Variants in NET1 observed in about 807,000 individuals in gnomAD.
The protein encoded by NET1 is neuroepithelial cell-transforming gene 1 protein.
In NET1, 42 loss-of-function variants were observed where a neutral mutation model predicts 61.1. That is an observed-to-expected ratio of 0.69 (90% CI 0.54 to 0.89). NET1 has a LOEUF of 0.89. NET1 is among the 40% of genes least tolerant of loss of function. NET1 has a pLI of 0.00. For synonymous variants in NET1, 254 were observed against 281.8 expected, an observed-to-expected ratio of 0.90 and a Z score of 0.99; for missense variants, 654 against 747.3, an observed-to-expected ratio of 0.88 and a Z score of 1.46.
At position 5,457,698 on chromosome 10, in the gene NET1, A is replaced by C. The variant is rs1176418758; in HGVS notation, c.*704A>C. 6.6e-6 allele frequency: 1 copy of C among 152,350 alleles called. No individual in the cohort carries two copies. The highest frequency in any genetic ancestry group is 6.6e-5 in the Admixed American group (1 of 15,254). The allele number at this position is 152,350 out of a possible 1,614,324, so 9.4% of individuals were successfully genotyped here. A position where few individuals can be genotyped will look rare whatever the true frequency, so the allele number is the denominator to read the frequency against. The stretch of plus-strand genomic sequence containing the variant: ...CTTTAAAGTATTTTTCTTCCTGATT[A>C]AAAATGTGTGTGTATGTGTGTGTGT... On this transcript the variant is annotated 3_prime_UTR_variant, in exon 12 of 12. Coordinates refer to ENST00000355029, the MANE Select transcript of NET1 (RefSeq NM_001047160.3). The surrounding 1 kb of genome is among the most constrained non-coding windows in gnomAD (Gnocchi z 5.4).
rs1349028078 is a variant in NET1 at position 5,447,432 on chromosome 10, T to TA, written c.256-4397dup. Among the ~76,000 whole-genome samples the TA allele has an allele frequency of 2.0e-5, 3 of 152,256 alleles. No homozygotes were observed. Among genetic ancestry groups the TA allele is most frequent in the Non-Finnish European group, 4.4e-5 (3 of 68,048 alleles). Reference sequence around the variant, plus strand: ...TTTAGTCTTTATGAACATTTATCAATATAAATCAAATTACTTTATGCCATT... The same window carrying TA: ...TTTAGTCTTTATGAACATTTATCAATAATAAATCAAATTACTTTATGCCATT... On this transcript the variant is annotated intron_variant, in intron 3 of 11. Transcript: ENST00000355029. This position sits in a 1 kb window ranked among gnomAD's most constrained non-coding sequence, Gnocchi z 4.1.
rs1416235296 is a variant in NET1 at position 5,423,335 on chromosome 10, A to G, written c.129-3320A>G. 6.6e-6 allele frequency among the ~76,000 whole-genome samples: 1 copy of G among 152,218 alleles called. No individual in the cohort carries two copies. Among genetic ancestry groups the G allele is most frequent in the African/African-American group, 2.4e-5 (1 of 41,472 alleles). Reference sequence around the variant, plus strand: ...GACACAAATCAGAAACTCTGAAAACATAATTTGGCTTAAGAATGAATTAAC... The same window carrying G: ...GACACAAATCAGAAACTCTGAAAACGTAATTTGGCTTAAGAATGAATTAAC... On this transcript the variant is annotated intron_variant, in intron 1 of 11. Transcript: ENST00000355029. The surrounding 1 kb of genome is among the most constrained non-coding windows in gnomAD (Gnocchi z 4.4).
In NET1 at chr10:5,426,810, T is replaced by G; in HGVS notation, c.195+89T>G. ...AGTCTGTTACACAGATCAGTGGTCC[T>G]TACTTCTGAGGGTCTTGAGGAACAG... On this transcript the variant is annotated intron_variant, in intron 2 of 11. Coordinates refer to ENST00000355029, the MANE Select transcript of NET1 (RefSeq NM_001047160.3). The surrounding 1 kb of genome is among the most constrained non-coding windows in gnomAD (Gnocchi z 4.6). 1.2e-6 allele frequency: 1 copy of G among 857,574 alleles called. No individual in the cohort carries two copies. The highest frequency in any genetic ancestry group is 2.5e-5 in the South Asian group (1 of 39,570). 53.1% of individuals were successfully genotyped at this position (857,574 alleles called of 1,614,324 possible). A position where few individuals can be genotyped will look rare whatever the true frequency, so the allele number is the denominator to read the frequency against.
chr10:5,427,148 CA>C lies in NET1; in HGVS notation c.195+428del, dbSNP rs1450612339. The stretch of plus-strand genomic sequence containing the variant: ...GATTTTCTGCTATTAATCATCTCAG[CA>C]TAGAGGGACTCTATTATTTTTATAG... On this transcript the variant is annotated intron_variant, in intron 2 of 11. Transcript: ENST00000355029. The surrounding 1 kb of genome is among the most constrained non-coding windows in gnomAD (Gnocchi z 4.1). Among the ~76,000 whole-genome samples, 14 of 151,876 alleles carry C rather than the reference CA, an allele frequency of 9.2e-5. No individual in the cohort carries two copies. The highest frequency in any genetic ancestry group is 2.9e-4 in the African/African-American group (12 of 41,396).
At position 5,437,981 on chromosome 10, in the gene NET1, AAAC is replaced by A. The variant is rs1400939638; in HGVS notation, c.255+8757_255+8759del. 6.6e-6 allele frequency among the ~76,000 whole-genome samples: 1 copy of A among 152,058 alleles called. No homozygotes were observed. The highest frequency in any genetic ancestry group is 1.5e-5 in the Non-Finnish European group (1 of 68,030). On this transcript the variant is annotated intron_variant, in intron 3 of 11. Transcript: ENST00000355029. This position sits in a 1 kb window ranked among gnomAD's most constrained non-coding sequence, Gnocchi z 4.3. ...AAAAATTTATAAGTATGTGGAAATT[AAAC>A]AACACATTATTAAACAATCAATGAG...
At position 5,446,696 on chromosome 10, in the gene NET1, T is replaced by A; in HGVS notation, c.256-5134T>A. 1 of 1,434,536 alleles carries A rather than the reference T, an allele frequency of 7.0e-7. No individual in the cohort carries two copies. The highest frequency in any genetic ancestry group is 9.3e-7 in the Non-Finnish European group (1 of 1,080,194). The allele number at this position is 1,434,536 out of a possible 1,614,324, so 88.9% of individuals were successfully genotyped here. A position where few individuals can be genotyped will look rare whatever the true frequency, so the allele number is the denominator to read the frequency against. On this transcript the variant is annotated intron_variant, in intron 3 of 11. Coordinates refer to ENST00000355029, the MANE Select transcript of NET1 (RefSeq NM_001047160.3). This position sits in a 1 kb window ranked among gnomAD's most constrained non-coding sequence, Gnocchi z 5.0. ...CTGGGAAGAAAAGCCCGTGTGCCTC[T>A]GCATAGCGTCGCTACAGCGCTGACT...
intron 3 of NET1, among the ~76,000 whole-genome samples, chr10:5,430,461 G>A (rs1010098158): frequency 2.7e-5 from 4 of 148,292 alleles, no homozygotes; most frequent in Middle Eastern, 6.9e-3. Flanking sequence ...TGCAACCTCC[G>A]CCTCCTGGGT....
Position 5,431,123 on chromosome 10 carries a change from G to A in NET1, c.255+1894G>A, listed in dbSNP as rs538748618. ...CCTGACCTCGTGATCCGCCTGCCTC[G>A]GCCTCCCAAAGTGCTGGGATTACAG... On this transcript the variant is annotated intron_variant, in intron 3 of 11. Transcript: ENST00000355029. This position sits in a 1 kb window ranked among gnomAD's most constrained non-coding sequence, Gnocchi z 4.9. Among the ~76,000 whole-genome samples, 1,245 of 151,824 alleles carry A rather than the reference G, an allele frequency of 8.2e-3. 11 individuals are homozygous for A. Among genetic ancestry groups the A allele is most frequent in the Non-Finnish European group, 0.014 (955 of 67,914 alleles).
chr10:5,427,255 C>T lies in NET1; in HGVS notation c.195+534C>T, dbSNP rs1832272230. 6.6e-6 allele frequency among the ~76,000 whole-genome samples: 1 copy of T among 152,022 alleles called. No individual in the cohort carries two copies. Among genetic ancestry groups the T allele is most frequent in the South Asian group, 2.1e-4 (1 of 4,818 alleles). On this transcript the variant is annotated intron_variant, in intron 2 of 11. Coordinates refer to ENST00000355029, the MANE Select transcript of NET1 (RefSeq NM_001047160.3). The surrounding 1 kb of genome is among the most constrained non-coding windows in gnomAD (Gnocchi z 4.1). ...TTTTTGTACTTAAAACTTATTAGCT[C>T]ATAATACATATATAAAGTACGTACA...
chr10:5,434,875 A>G (rs369468671), intron 3 of NET1, among the ~76,000 whole-genome samples: 4 of 152,094 alleles, frequency 2.6e-5, no homozygotes, highest in Non-Finnish European at 4.4e-5. Context: ...TGAGATTACC[A>G]AATTATATAT....
At chr10:5,414,769 C>G (rs1832051087) in intron 1 of NET1, among the ~76,000 whole-genome samples, 1 of 152,068 alleles carries the variant, frequency 6.6e-6, no homozygotes, top group Non-Finnish European at 1.5e-5. Flanking sequence ...AACAAGGATC[C>G]AAGAAGGCAG....
intron 3 of NET1, among the ~76,000 whole-genome samples, chr10:5,434,977 G>A (rs1283150583): frequency 4.6e-5 from 7 of 152,074 alleles, no homozygotes; most frequent in African/African-American, 1.4e-4. Context: ...CTTTTTCAGA[G>A]CTATAGAAAA....
intron 3 of NET1, among the ~76,000 whole-genome samples, chr10:5,436,191 TGTGTG>T (rs1832430293): frequency 4.0e-4 from 6 of 14,946 alleles, no homozygotes; most frequent in Non-Finnish European, 6.4e-4. Context: ...GTGTGTTGTG[TGTGTG>T]TGTGTGTGTG....
intron 1 of NET1, among the ~76,000 whole-genome samples, chr10:5,419,322 G>C (rs899686975): frequency 2.6e-5 from 4 of 151,964 alleles, no homozygotes; most frequent in African/African-American, 9.7e-5. Flanking sequence ...TTGGTTGGTT[G>C]GTTGGTTGGT....
rs955499678 is a variant in NET1, at chr10:5,416,280, GT to G, written c.128+3464del. Among the ~76,000 whole-genome samples the G allele has an allele frequency of 7.9e-5, 12 of 152,174 alleles. No individual in the cohort carries two copies. Among genetic ancestry groups the G allele is most frequent in the Non-Finnish European group, 1.5e-4 (10 of 68,032 alleles). On this transcript the variant is annotated intron_variant, in intron 1 of 11. Transcript: ENST00000355029. The surrounding 1 kb of genome is among the most constrained non-coding windows in gnomAD (Gnocchi z 6.1). ...AATAGCCCTATGCCATTACCATGGT[GT>G]TTTGATTACCGTTGCTTTGTATAGT...
At chr10:5,450,439 A>T (rs188650606) in intron 3 of NET1, among the ~76,000 whole-genome samples, 229 of 151,476 alleles carry the variant, frequency 1.5e-3, no homozygotes, top group East Asian at 4.1e-3. Flanking sequence ...ATTAAAAAAA[A>T]TTTTTTTTTA....
intron 3 of NET1, among the ~76,000 whole-genome samples, chr10:5,436,204 G>A (rs1832431094): frequency 1.1e-5 from 1 of 91,470 alleles, no homozygotes; most frequent in Non-Finnish European, 2.1e-5. Flanking sequence ...GTGTGTGTGT[G>A]TGTGTGTGTG....
At chr10:5,428,038 C>CTTTTT (rs57698527) in intron 2 of NET1, among the ~76,000 whole-genome samples, 1 of 113,900 alleles carries the variant, frequency 8.8e-6, no homozygotes, top group African/African-American at 3.4e-5. Flanking sequence ...TTTGCCGTTC[C>CTTTTT]TTTTTTTTTT....
rs1035797877 is a variant in NET1, at chr10:5,449,690, G to A, written c.256-2140G>A. ...GGAAGTTAGTAGTTGTACAGTAACT[G>A]GTCCTATAAAGATAATAAATTTTTA... is the stretch of plus-strand genomic sequence containing the variant. On this transcript the variant is annotated intron_variant, in intron 3 of 11. Transcript: ENST00000355029. This position sits in a 1 kb window ranked among gnomAD's most constrained non-coding sequence, Gnocchi z 4.4. Among the ~76,000 whole-genome samples, 1 of 152,104 alleles carries A rather than the reference G, an allele frequency of 6.6e-6. No individual in the cohort carries two copies. Among genetic ancestry groups the A allele is most frequent in the Admixed American group, 6.5e-5 (1 of 15,304 alleles).
Sources: allele counts gnomAD v4.1 joint callset (sites outside exome capture counted in the v4.1 genomes callset), GRCh38; gene constraint gnomAD v4.1.1; non-coding constraint Gnocchi (gnomAD v3.1); transcripts MANE v1.5; gene names NCBI Gene and HGNC (gene_info 2026-07-23, HGNC 2026-07-21).